The following DLGAP1 variants were observed in gnomAD, a reference collection of about 807,000 sequenced individuals.
The protein encoded by DLGAP1 is disks large-associated protein 1.
Under a neutral mutation model 90.8 loss-of-function variants are expected in DLGAP1, and 11 were observed. The observed-to-expected ratio is 0.12, with a 90% confidence interval of 0.08 to 0.20. The LOEUF (loss-of-function observed/expected upper bound fraction) is 0.20. Ranked by LOEUF, DLGAP1 falls within the 10% of genes least tolerant of loss-of-function variation. The pLI is 1.00. For missense variants in DLGAP1, 1,050 were observed against 1,333.8 expected (o/e 0.79, Z 3.31); for synonymous variants, 558 against 540.7 (o/e 1.03, Z -0.44).
intron 1 of DLGAP1, among the ~76,000 whole-genome samples, chr18:4,336,487 A>T (rs1041565571): frequency 6.6e-6 from 1 of 152,236 alleles, no homozygotes; most frequent in Non-Finnish European, 1.5e-5. Flanking sequence ...CTGGCAGCTA[A>T]GGAGAGTAAC....
chr18:3,600,212 A>C (rs2056817952), intron 7 of DLGAP1, among the ~76,000 whole-genome samples: 1 of 152,144 alleles, frequency 6.6e-6, no homozygotes, highest in African/African-American at 2.4e-5. Context: ...ATCACCATGC[A>C]TGTGATTCAC....
chr18:4,385,491 A>G (rs931805076), intron 1 of DLGAP1, among the ~76,000 whole-genome samples: 1 of 152,112 alleles, frequency 6.6e-6, no homozygotes, highest in East Asian at 1.9e-4. Context: ...AAACCTTAGC[A>G]GAAAACTCTG....
intron 7 of DLGAP1, among the ~76,000 whole-genome samples, chr18:3,648,632 G>A (rs1176607218): frequency 1.3e-5 from 2 of 152,196 alleles, no homozygotes; most frequent in Non-Finnish European, 2.9e-5. Context: ...TGGCTTCAAA[G>A]ACTGCTAATT....
chr18:3,646,977 G>A (rs1369779569), intron 7 of DLGAP1, among the ~76,000 whole-genome samples: 4 of 151,746 alleles, frequency 2.6e-5, no homozygotes, highest in Admixed American at 6.6e-5. Context: ...CACCGGGTGC[G>A]GTGGCTCACG....
intron 2 of DLGAP1, among the ~76,000 whole-genome samples, chr18:4,069,185 G>A (rs1407014714): frequency 1.3e-5 from 2 of 152,094 alleles, no homozygotes; most frequent in African/African-American, 2.4e-5. Flanking sequence ...CACAGCAAAG[G>A]CATTTTTTCC....
At chr18:4,115,823 GT>G (rs1428543931) in intron 2 of DLGAP1, among the ~76,000 whole-genome samples, 2 of 152,080 alleles carry the variant, frequency 1.3e-5, no homozygotes, top group African/African-American at 4.8e-5. Flanking sequence ...TCTCTGCACT[GT>G]TTTTGTCAAA....
chr18:3,828,246 T>A (rs1200625890), intron 4 of DLGAP1, among the ~76,000 whole-genome samples: 4 of 152,208 alleles, frequency 2.6e-5, no homozygotes, highest in Non-Finnish European at 5.9e-5. Context: ...GGTTATCACA[T>A]GTGCAAAGTT....
At chr18:3,811,776 G>A (rs1460439819) in intron 5 of DLGAP1, among the ~76,000 whole-genome samples, 1 of 152,200 alleles carries the variant, frequency 6.6e-6, no homozygotes, top group African/African-American at 2.4e-5. Flanking sequence ...GAAGGCAAAT[G>A]AGAAAGAAAG....
chr18:3,766,585 A>T (rs1421100921), intron 5 of DLGAP1, among the ~76,000 whole-genome samples: 2 of 152,164 alleles, frequency 1.3e-5, no homozygotes, highest in Non-Finnish European at 2.9e-5. Context: ...CATAAAAAAA[A>T]ACTCAACAAA....
intron 5 of DLGAP1, among the ~76,000 whole-genome samples, chr18:3,766,283 T>C (rs2064239950): frequency 6.6e-6 from 1 of 152,108 alleles, no homozygotes; most frequent in African/African-American, 2.4e-5. Context: ...CAGGAAGACA[T>C]AGCAATCTTA....
chr18:4,213,735 G>C (rs547079774), intron 1 of DLGAP1, among the ~76,000 whole-genome samples: 1 of 152,174 alleles, frequency 6.6e-6, no homozygotes, highest in Non-Finnish European at 1.5e-5. Context: ...ATATCTCAAG[G>C]AAAGTTTTCT....
chr18:4,158,480 A>T (rs1313258371), intron 1 of DLGAP1, among the ~76,000 whole-genome samples: 3 of 152,184 alleles, frequency 2.0e-5, no homozygotes, highest in Non-Finnish European at 4.4e-5. Flanking sequence ...CCCTGATGTT[A>T]TGAACTGGCA....
intron 10 of DLGAP1, among the ~76,000 whole-genome samples, chr18:3,523,660 A>C (rs912500738): frequency 4.6e-5 from 7 of 152,002 alleles, no homozygotes; most frequent in Non-Finnish European, 1.0e-4. Context: ...ATCCTGGCTA[A>C]CACGGTGAAA....
At chr18:3,906,777 T>C (rs2071916393) in intron 3 of DLGAP1, among the ~76,000 whole-genome samples, 2 of 152,236 alleles carry the variant, frequency 1.3e-5, no homozygotes, top group Admixed American at 6.5e-5. Flanking sequence ...ACTTTGCATG[T>C]CTACATTTAA....
chr18:4,230,162 A>C (rs2145045227), intron 1 of DLGAP1, among the ~76,000 whole-genome samples: 1 of 152,270 alleles, frequency 6.6e-6, no homozygotes, highest in East Asian at 1.9e-4. Flanking sequence ...GAGAAAAGGG[A>C]ACCCTCATAC....
chr18:4,037,699 C>T (rs1384353139), intron 2 of DLGAP1, among the ~76,000 whole-genome samples: 1 of 152,160 alleles, frequency 6.6e-6, no homozygotes, highest in African/African-American at 2.4e-5. Context: ...GTGGCTCATG[C>T]CTGTAATACT....
chr18:4,126,819 C>T (rs576217395), intron 2 of DLGAP1, among the ~76,000 whole-genome samples: 3 of 152,280 alleles, frequency 2.0e-5, no homozygotes, highest in African/African-American at 4.8e-5. Flanking sequence ...ATCAAAGACA[C>T]TTTTCAAAGG....
At chr18:4,435,872 G>A (rs1206118433) in intron 1 of DLGAP1, among the ~76,000 whole-genome samples, 1 of 152,184 alleles carries the variant, frequency 6.6e-6, no homozygotes, top group Non-Finnish European at 1.5e-5. Context: ...GACCAGGAAA[G>A]AGAGGACAGG....
intron 1 of DLGAP1, among the ~76,000 whole-genome samples, chr18:4,320,819 G>C (rs2080667929): frequency 6.6e-6 from 1 of 151,960 alleles, no homozygotes; most frequent in African/African-American, 2.4e-5. Context: ...TCACAATTCT[G>C]AGACGTTTAA....
Sources: allele counts gnomAD v4.1 joint callset (sites outside exome capture counted in the v4.1 genomes callset), GRCh38; gene constraint gnomAD v4.1.1; transcripts MANE v1.5; gene names NCBI Gene and HGNC (gene_info 2026-07-23, HGNC 2026-07-21).